Variants in RIMS1 observed in about 807,000 individuals in gnomAD.
RIMS1 encodes regulating synaptic membrane exocytosis protein 1.
RIMS1 carries 83 observed loss-of-function variants against 214.1 expected under a neutral mutation model. The observed-to-expected ratio is 0.39, with a 90% CI of 0.32 to 0.47. RIMS1 has a LOEUF of 0.47. RIMS1 is among the 20% of genes least tolerant of loss of function. The probability of loss-of-function intolerance (pLI) is 0.99; values close to 1 mark genes in which losing one functional copy is unlikely to be tolerated. For missense variants in RIMS1, 2,050 were observed against 2,161.8 expected, an observed-to-expected ratio of 0.95 and a Z score of 1.03; for synonymous variants, 793 against 786.8, an observed-to-expected ratio of 1.01 and a Z score of -0.13.
At position 72,159,242 on chromosome 6, in the gene RIMS1, G is replaced by T. The variant is rs1210025976; in HGVS notation, c.472-20333G>T. ...TATCTTTCACCCACTTGTTGATGGG[G>T]TTGTTTGTTTTTTTCTTGTAAATTT... On this transcript the variant is annotated intron_variant, in intron 4 of 33. Transcript: ENST00000521978. 6.4e-5 allele frequency among the ~76,000 whole-genome samples: 9 copies of T among 140,956 alleles called. 1 individual carries two copies. The highest frequency in any genetic ancestry group is 5.8e-4 in the Admixed American group (8 of 13,832). The allele number at this position is 140,956 out of a possible 152,430, so 92.5% of individuals were successfully genotyped here.
intron 4 of RIMS1, among the ~76,000 whole-genome samples, chr6:72,123,617 G>C (rs569103157): frequency 6.6e-6 from 1 of 151,956 alleles, no homozygotes; most frequent in East Asian, 1.9e-4. Flanking sequence ...AAGTCTCTTT[G>C]TAGGTCTCTA....
chr6:71,967,165 G>C (rs899454802), intron 1 of RIMS1, among the ~76,000 whole-genome samples: 1 of 152,098 alleles, frequency 6.6e-6, no homozygotes, highest in Non-Finnish European at 1.5e-5. Flanking sequence ...AAGGCGGGTG[G>C]ATCACGAGGT....
intron 1 of RIMS1, among the ~76,000 whole-genome samples, chr6:71,907,175 CT>C (rs1204592995): frequency 1.3e-5 from 2 of 152,164 alleles, no homozygotes; most frequent in Non-Finnish European, 2.9e-5. Context: ...CTGCATTATG[CT>C]TACAGATTTA....
At chr6:72,383,151 C>CCTTCTCTT (rs2098521852) in intron 29 of RIMS1, among the ~76,000 whole-genome samples, 1 of 152,238 alleles carries the variant, frequency 6.6e-6, no homozygotes, top group African/African-American at 2.4e-5. Flanking sequence ...TATTCTCTCC[C>CCTTCTCTT]CTTCTCTTCT....
At chr6:71,991,529 A>G (rs1801566150) in intron 2 of RIMS1, among the ~76,000 whole-genome samples, 1 of 152,212 alleles carries the variant, frequency 6.6e-6, no homozygotes, top group South Asian at 2.1e-4. Context: ...GCTGTATACA[A>G]ATCACTAGGT....
At chr6:72,196,936 G>C (rs567711933) in intron 6 of RIMS1, among the ~76,000 whole-genome samples, 1 of 151,976 alleles carries the variant, frequency 6.6e-6, no homozygotes, top group East Asian at 1.9e-4. Flanking sequence ...TGTTCATTCA[G>C]TATTTGTTGA....
rs556168461 is a variant in RIMS1 at position 72,374,115 on chromosome 6, G to A, written c.4367-16483G>A. On this transcript the variant is annotated intron_variant, in intron 29 of 33. Coordinates refer to ENST00000521978, the MANE Select transcript of RIMS1 (RefSeq NM_014989.7). ...TTTTTAGTAGACATGGGGTTTCAGC[G>A]TGTTGGCCAGGATGGTCTCGATCTC... Among the ~76,000 whole-genome samples the A allele has an allele frequency of 3.7e-4, 57 of 152,052 alleles. 1 individual carries two copies. The highest frequency in any genetic ancestry group is 9.9e-4 in the African/African-American group (41 of 41,472).
At chr6:72,168,475 A>T (rs2496491) in intron 4 of RIMS1, among the ~76,000 whole-genome samples, 3 of 152,264 alleles carry the variant, frequency 2.0e-5, no homozygotes, top group Middle Eastern at 3.4e-3. Flanking sequence ...CCTGATTATT[A>T]GTTTGGGGTG....
intron 29 of RIMS1, among the ~76,000 whole-genome samples, chr6:72,367,418 A>G (rs1286831910): frequency 2.6e-5 from 4 of 152,178 alleles, no homozygotes; most frequent in Non-Finnish European, 5.9e-5. Context: ...TAGGCTTCCT[A>G]AATTTTGCCT....
intron 26 of RIMS1, among the ~76,000 whole-genome samples, chr6:72,294,842 A>T (rs1321652889): frequency 6.6e-6 from 1 of 151,774 alleles, no homozygotes; most frequent in Non-Finnish European, 1.5e-5. Flanking sequence ...GATTTAGGGG[A>T]AAAACAAAGA....
At chr6:71,958,365 T>C (rs1443370889) in intron 1 of RIMS1, among the ~76,000 whole-genome samples, 3 of 152,152 alleles carry the variant, frequency 2.0e-5, no homozygotes. Context: ...TTCCCAGTAG[T>C]TGGATTGTTG....
chr6:71,942,330 A>G (rs962673321), intron 1 of RIMS1, among the ~76,000 whole-genome samples: 2 of 152,204 alleles, frequency 1.3e-5, no homozygotes, highest in African/African-American at 2.4e-5. Context: ...GACTCCATAG[A>G]GAGGAATCAT....
chr6:72,271,092 C>A (rs971203787), intron 22 of RIMS1, among the ~76,000 whole-genome samples: 2 of 151,496 alleles, frequency 1.3e-5, no homozygotes, highest in Non-Finnish European at 2.9e-5. Context: ...ATGGTGAAAC[C>A]CCGTCTCTAT....
intron 2 of RIMS1, among the ~76,000 whole-genome samples, chr6:71,975,056 AT>A (rs1348160767): frequency 1.5e-4 from 23 of 152,100 alleles, no homozygotes. Context: ...GAAAAATAAA[AT>A]TTTTTAAAAA....
chr6:72,110,262 A>G (rs540751567), intron 4 of RIMS1, among the ~76,000 whole-genome samples: 1,906 of 151,896 alleles, frequency 0.013, 47 homozygotes, highest in African/African-American at 0.044. Flanking sequence ...GCTTGATGGC[A>G]ATGGCATTGA....
At position 72,161,050 on chromosome 6, in the gene RIMS1, G is replaced by T. The variant is rs563160915; in HGVS notation, c.472-18525G>T. Among the ~76,000 whole-genome samples, 14 of 139,462 alleles carry T rather than the reference G, an allele frequency of 1.0e-4. 2 individuals carry two copies. The South Asian group carries it at 1.9e-3, about 19-fold the overall frequency. The allele number at this position is 139,462 out of a possible 152,430, so 91.5% of individuals were successfully genotyped here. A position where few individuals can be genotyped will look rare whatever the true frequency, so the allele number is the denominator to read the frequency against. Reference sequence around the variant, plus strand: ...TTTGGTTGGTAGGCAATTAATTATTGCCTCAATTTCAGAAGCTGTTATTGG... The same window carrying T: ...TTTGGTTGGTAGGCAATTAATTATTTCCTCAATTTCAGAAGCTGTTATTGG... On this transcript the variant is annotated intron_variant, in intron 4 of 33. Coordinates refer to ENST00000521978, the MANE Select transcript of RIMS1 (RefSeq NM_014989.7).
At chr6:72,340,341 A>G (rs1330499420) in intron 29 of RIMS1, among the ~76,000 whole-genome samples, 4 of 151,838 alleles carry the variant, frequency 2.6e-5, no homozygotes, top group Non-Finnish European at 5.9e-5. Context: ...TTGGTGTTTT[A>G]GACATGAAGT....
intron 2 of RIMS1, among the ~76,000 whole-genome samples, chr6:72,046,043 T>A (rs557399399): frequency 6.6e-6 from 1 of 152,212 alleles, no homozygotes; most frequent in Admixed American, 6.6e-5. Context: ...TTTTAAAAAA[T>A]TATCACTGCT....
At chr6:72,166,430 A>G (rs889032676) in intron 4 of RIMS1, among the ~76,000 whole-genome samples, 1 of 152,158 alleles carries the variant, frequency 6.6e-6, no homozygotes, top group African/African-American at 2.4e-5. Flanking sequence ...TAGAGCTTCA[A>G]CATACAAATT....
Sources: gnomAD v4.1 joint callset for allele counts (sites outside exome capture counted in the v4.1 genomes callset) on GRCh38, gnomAD v4.1.1 for gene constraint, MANE v1.5 for transcripts, NCBI Gene and HGNC (gene_info 2026-07-23, HGNC 2026-07-21) for gene names.